SLC3A1: variants seen among roughly 807,000 people sequenced by gnomAD.
The protein encoded by SLC3A1 is solute carrier family 3 member 1, also known as amino acid transporter heavy chain SLC3A1.
In SLC3A1, 78 loss-of-function variants were observed where a neutral mutation model predicts 60.3. That is an observed-to-expected ratio of 1.29 (90% CI 1.08 to 1.56). The LOEUF is 1.56. SLC3A1 is among the 40% of genes most tolerant of loss of function. SLC3A1 has a pLI of 0.00. For missense variants in SLC3A1, 1,172 were observed against 858.9 expected (o/e 1.36, Z -4.56); for synonymous variants, 392 against 307.9 (o/e 1.27, Z -2.86).
At chr2:44,304,456 G>A (rs1672101174) in intron 7 of SLC3A1, 118 bp downstream of exon 7, 3 of 825,364 alleles carry the variant, frequency 3.6e-6, no homozygotes, top group South Asian at 2.9e-5. Context: ...CTTATTTGGT[G>A]ATTGTTCAGT....
chr2:44,312,693 T>C lies in SLC3A1; in HGVS notation c.1440T>C (p.Tyr480=), dbSNP rs2104384051. ...TCCCTGGAACTCCTATAACTTACTATGGAGAAGAAATTGGAATGGGAAATA... is the reference window on the plus strand; with the variant it reads ...TCCCTGGAACTCCTATAACTTACTACGGAGAAGAAATTGGAATGGGAAATA... ...FTLPGTPITY[Y]GEEIGMGNIV... Residue 480 remains tyrosine (Y), a synonymous_variant, in exon 8 of 10, where the codon TAT becomes TAC. Transcript: ENST00000260649. The C allele has an allele frequency of 1.9e-6, 3 of 1,613,174 alleles. No homozygotes were observed. Among genetic ancestry groups the C allele is most frequent in the East Asian group, 4.5e-5 (2 of 44,868 alleles).
intron 8 of SLC3A1, 24 bp downstream of exon 8, chr2:44,312,777 T>A: frequency 6.3e-7 from 1 of 1,589,660 alleles, no homozygotes; most frequent in Non-Finnish European, 8.6e-7. Flanking sequence ...AACTTGACTA[T>A]TCATCACAGC....
rs143068960 is a variant in SLC3A1 at position 44,301,117 on chromosome 2, G to C, written c.1126G>C (p.Gly376Arg). Residue 376 changes from glycine (G) to arginine (R), a missense_variant, in exon 6 of 10, where the codon GGC (glycine) becomes CGC (arginine). Physicochemically the swap from Gly to Arg is moderately radical, Grantham distance 125 (BLOSUM62 -2). Transcript: ENST00000260649. ...QTMDQYSTEP[G>R]RYRFMGTEAY... is the part of the protein sequence containing the mutation. ...CATGGACCAATACAGCACGGAGCCC[G>C]GCAGATACAGGTTGACCACGGCATA... 6.2e-7 allele frequency: 1 copy of C among 1,609,964 alleles called. No homozygotes were observed. Among genetic ancestry groups the C allele is most frequent in the Non-Finnish European group, 8.5e-7 (1 of 1,179,134 alleles).
At chr2:44,310,205 G>A (rs1000960500) in intron 7 of SLC3A1, among the ~76,000 whole-genome samples, 1 of 152,124 alleles carries the variant, frequency 6.6e-6, no homozygotes, top group African/African-American at 2.4e-5. Flanking sequence ...GGATCATATA[G>A]TACTTCTGTG....
rs762728033 is a variant in SLC3A1, at chr2:44,275,595, A to T, written c.60A>T (p.Thr20=). The change falls in exon 1 of 10, where the codon ACA becomes ACT. Residue 20 remains threonine, a synonymous_variant. Coordinates refer to ENST00000260649, the MANE Select transcript of SLC3A1 (RefSeq NM_000341.4). Reference sequence around the variant, plus strand: ...AGATGAGTATGAAGGGATGCCAGACAAACAACGGGTTTGTCCATAATGAAG... The same window carrying T: ...AGATGAGTATGAAGGGATGCCAGACTAACAACGGGTTTGTCCATAATGAAG... ...SIEMSMKGCQ[T]NNGFVHNEDI... 4 of 1,614,194 alleles carry T rather than the reference A, an allele frequency of 2.5e-6. No individual in the cohort carries two copies. In the South Asian group the frequency reaches 4.4e-5, roughly 18 times the overall value.
intron 6 of SLC3A1, among the ~76,000 whole-genome samples, chr2:44,302,674 A>T (rs139211606): frequency 1.3e-5 from 2 of 152,254 alleles, no homozygotes; most frequent in Non-Finnish European, 2.9e-5. Flanking sequence ...GCTTTCAGCA[A>T]TTGAGAGTGC....
chr2:44,277,767 A>C (rs891851768), intron 1 of SLC3A1, among the ~76,000 whole-genome samples: 60 of 152,308 alleles, frequency 3.9e-4, no homozygotes, highest in African/African-American at 1.4e-3. Flanking sequence ...TAGGTCCAAC[A>C]TTCCTGTAAA....
intron 7 of SLC3A1, among the ~76,000 whole-genome samples, chr2:44,305,346 C>A (rs1672125540): frequency 6.6e-6 from 1 of 151,888 alleles, no homozygotes; most frequent in African/African-American, 2.4e-5. Flanking sequence ...AGCCCTGCTG[C>A]TTCAAAGTCC....
intron 4 of SLC3A1, among the ~76,000 whole-genome samples, chr2:44,288,859 G>T (rs534997195): frequency 3.3e-5 from 5 of 151,854 alleles, no homozygotes; most frequent in African/African-American, 9.7e-5. Flanking sequence ...TTTTGAGATA[G>T]AGTTTCACTC....
rs567675483 is a variant in SLC3A1 at position 44,297,721 on chromosome 2, G to T, written c.892-2250G>T. Among the ~76,000 whole-genome samples the T allele has an allele frequency of 2.0e-5, 3 of 152,202 alleles. No homozygotes were observed. The South Asian group carries it at 6.2e-4, about 32-fold the overall frequency. ...CTACAATTTGTTCACTAAGTACCAG[G>T]TGCTGTTTCAGAGGCCTACAGACAT... is the stretch of plus-strand genomic sequence containing the variant. On this transcript the variant is annotated intron_variant, in intron 4 of 9. Transcript: ENST00000260649.
At chr2:44,294,971 T>C (rs1671817595) in intron 4 of SLC3A1, among the ~76,000 whole-genome samples, 1 of 152,160 alleles carries the variant, frequency 6.6e-6, no homozygotes, top group South Asian at 2.1e-4. Context: ...CTTGAACTCC[T>C]GAGCTTAAGT....
chr2:44,293,593 T>C (rs1436411194), intron 4 of SLC3A1, among the ~76,000 whole-genome samples: 1 of 151,438 alleles, frequency 6.6e-6, no homozygotes, highest in Non-Finnish European at 1.5e-5. Flanking sequence ...TTGGGACTTG[T>C]TGATGTGGCT....
intron 3 of SLC3A1, chr2:44,285,349 C>CA (rs1671588535): frequency 5.9e-6 from 1 of 169,376 alleles, no homozygotes; most frequent in African/African-American, 2.4e-5. Context: ...ATGAAATGGA[C>CA]AAAAGGCCTA....
Position 44,280,766 on chromosome 2 carries a change from T to C in SLC3A1, c.481T>C (p.Trp161Arg). The change falls in exon 2 of 10, where the codon TGG (tryptophan) becomes CGG (arginine). Residue 161 changes from tryptophan (W) to arginine (R), a missense_variant. Transcript: ENST00000260649. ...YITALNIKTV[W>R]ITSFYKSSLK... ...CACAGCTTTAAATATAAAAACTGTT[T>C]GGATTACTTCATTTTATAAATCGTC... 1.9e-6 allele frequency: 3 copies of C among 1,611,972 alleles called. No individual in the cohort carries two copies. Among genetic ancestry groups the C allele is most frequent in the South Asian group, 1.1e-5 (1 of 91,038 alleles).
rs750804370 is a variant in SLC3A1 at position 44,301,013 on chromosome 2, C to A, written c.1022C>A (p.Thr341Lys). Residue 341 changes from threonine (T) to lysine (K), a missense_variant, in exon 6 of 10, where the codon ACA (threonine) becomes AAA (lysine). Physicochemically the swap from Thr to Lys is moderately conservative, Grantham distance 78. Transcript: ENST00000260649. ...VNKTQIPDTV[T>K]QYSELYHDFT... is the part of the protein sequence containing the mutation. ...TCCTGGTTTTCAAAGGACACGGTCA[C>A]ACAATACTCGGAGCTGTACCATGAC... is the stretch of plus-strand genomic sequence containing the variant. 1.2e-6 allele frequency: 2 copies of A among 1,614,102 alleles called. No homozygotes were observed. The highest frequency in any genetic ancestry group is 1.7e-6 in the Non-Finnish European group (2 of 1,180,030).
chr2:44,286,415 T>G (rs1269943805), intron 4 of SLC3A1, among the ~76,000 whole-genome samples: 2 of 152,190 alleles, frequency 1.3e-5, no homozygotes, highest in African/African-American at 4.8e-5. Flanking sequence ...TTCATCTAAC[T>G]CAGAGTACCC....
chr2:44,315,653 C>CAAAAA (rs70965350), intron 9 of SLC3A1, among the ~76,000 whole-genome samples: 42 of 52,466 alleles, frequency 8.0e-4, no homozygotes, highest in South Asian at 1.8e-3. Flanking sequence ...AAGACCGCCT[C>CAAAAA]AAAAAAAAAA....
chr2:44,310,650 T>C (rs1401593948), intron 7 of SLC3A1, among the ~76,000 whole-genome samples: 3 of 152,194 alleles, frequency 2.0e-5, no homozygotes, highest in Non-Finnish European at 4.4e-5. Context: ...GGTTCTTAGA[T>C]ACACAATTTT....
rs535065882 is a variant in SLC3A1 at position 44,306,252 on chromosome 2, C to A, written c.1332+1914C>A. ...GATTTTGATACTTTTCGCACAGATC[C>A]TGCCAGCTATCTTACACAGCCTGAT... On this transcript the variant is annotated intron_variant, in intron 7 of 9. Transcript: ENST00000260649. 2.6e-5 allele frequency among the ~76,000 whole-genome samples: 4 copies of A among 152,280 alleles called. 1 individual carries two copies. The East Asian group carries it at 7.7e-4, about 29-fold the overall frequency.
Sources: gnomAD v4.1 joint callset for allele counts (sites outside exome capture counted in the v4.1 genomes callset) on GRCh38, gnomAD v4.1.1 for gene constraint, MANE v1.5 for transcripts, NCBI Gene and HGNC (gene_info 2026-07-23, HGNC 2026-07-21) for gene names.